The following UNC5C variants were observed in gnomAD, a reference collection of about 807,000 sequenced individuals.
UNC5C encodes the protein unc-5 netrin receptor C.
A neutral mutation model predicts 99.8 loss-of-function variants in UNC5C; 47 were observed. The observed-to-expected ratio is 0.47, with a 90% confidence interval of 0.37 to 0.60. The LOEUF (loss-of-function observed/expected upper bound fraction) is 0.60. Among genes scored for constraint, UNC5C ranks in the 20% least tolerant of loss-of-function variants. UNC5C has a pLI of 0.00. For missense variants in UNC5C, 1,062 were observed against 1,165.9 expected, an observed-to-expected ratio of 0.91 and a Z score of 1.30; for synonymous variants, 487 against 452.2, an observed-to-expected ratio of 1.08 and a Z score of -0.98.
At chr4:95,390,965 GGA>G (rs1254705809) in intron 1 of UNC5C, among the ~76,000 whole-genome samples, 1 of 152,184 alleles carries the variant, frequency 6.6e-6, no homozygotes, top group African/African-American at 2.4e-5. Context: ...ACATGTTGTG[GGA>G]GGGACCAGGT....
At chr4:95,541,513 C>A (rs1251554424) in intron 1 of UNC5C, among the ~76,000 whole-genome samples, 1 of 152,158 alleles carries the variant, frequency 6.6e-6, no homozygotes, top group Non-Finnish European at 1.5e-5. Flanking sequence ...ACTTTTATAT[C>A]ACGTACCCCA....
intron 1 of UNC5C, among the ~76,000 whole-genome samples, chr4:95,383,262 TACACAC>T (rs35068196): frequency 1.2e-3 from 181 of 150,900 alleles, no homozygotes; most frequent in East Asian, 5.5e-3. Context: ...TGTGTGTGTT[TACACAC>T]ACACACACAC....
intron 4 of UNC5C, among the ~76,000 whole-genome samples, chr4:95,267,874 A>G (rs1015982765): frequency 2.6e-5 from 4 of 152,048 alleles, no homozygotes; most frequent in Non-Finnish European, 4.4e-5. Context: ...AGTAGAAATT[A>G]TAACAAATTA....
chr4:95,448,260 G>GAGAGAGAGAGAGAGAGAC (rs1560836896), intron 1 of UNC5C, among the ~76,000 whole-genome samples: 5 of 149,864 alleles, frequency 3.3e-5, no homozygotes, highest in African/African-American at 1.2e-4. Flanking sequence ...GAGAGAGAGA[G>GAGAGAGAGAGAGAGAGAC]AGAAAGCCTG....
At chr4:95,454,024 T>C (rs1052184666) in intron 1 of UNC5C, among the ~76,000 whole-genome samples, 2 of 152,114 alleles carry the variant, frequency 1.3e-5, no homozygotes, top group Non-Finnish European at 2.9e-5. Flanking sequence ...AGTATGGAGT[T>C]ACTACTTAAA....
At chr4:95,362,074 A>T (rs1207873419) in intron 1 of UNC5C, among the ~76,000 whole-genome samples, 1 of 152,152 alleles carries the variant, frequency 6.6e-6, no homozygotes, top group African/African-American at 2.4e-5. Context: ...GAAGACTTAC[A>T]TTGTCAAGTC....
chr4:95,455,225 G>A (rs910263516), intron 1 of UNC5C, among the ~76,000 whole-genome samples: 2 of 152,066 alleles, frequency 1.3e-5, no homozygotes, highest in Non-Finnish European at 2.9e-5. Flanking sequence ...AGAAAAGTAT[G>A]AGGTTTGGGC....
intron 4 of UNC5C, among the ~76,000 whole-genome samples, chr4:95,273,575 G>C (rs1579286997): frequency 6.6e-6 from 1 of 152,162 alleles, no homozygotes; most frequent in South Asian, 2.1e-4. Context: ...GAGATGGGGG[G>C]AAGGTTTATC....
chr4:95,173,790 T>G (rs1162004570), intron 14 of UNC5C, among the ~76,000 whole-genome samples: 1 of 152,224 alleles, frequency 6.6e-6, no homozygotes, highest in East Asian at 1.9e-4. Flanking sequence ...CTTTTTCTAT[T>G]GATTGGAATA....
intron 4 of UNC5C, among the ~76,000 whole-genome samples, chr4:95,276,687 T>C (rs1740873187): frequency 6.6e-6 from 1 of 152,184 alleles, no homozygotes; most frequent in South Asian, 2.1e-4. Flanking sequence ...AATGAAATAT[T>C]GAATAGAGAA....
intron 7 of UNC5C, among the ~76,000 whole-genome samples, chr4:95,236,480 G>GC (rs1198032599): frequency 1.1e-4 from 17 of 151,876 alleles, no homozygotes; most frequent in Non-Finnish European, 2.5e-4. Context: ...TATACCTAAT[G>GC]TAAATGACGA....
intron 1 of UNC5C, among the ~76,000 whole-genome samples, chr4:95,350,174 G>A (rs1185570009): frequency 6.6e-6 from 1 of 152,052 alleles, no homozygotes; most frequent in Non-Finnish European, 1.5e-5. Context: ...AATATGTGGA[G>A]GGTCTTACAT....
At chr4:95,513,107 T>G (rs903826320) in intron 1 of UNC5C, among the ~76,000 whole-genome samples, 2 of 152,158 alleles carry the variant, frequency 1.3e-5, no homozygotes, top group Non-Finnish European at 2.9e-5. Flanking sequence ...TAAATCATAC[T>G]GAATGACCGA....
At chr4:95,517,556 A>T (rs551877699) in intron 1 of UNC5C, among the ~76,000 whole-genome samples, 30 of 152,348 alleles carry the variant, frequency 2.0e-4, no homozygotes, top group Admixed American at 1.8e-3. Flanking sequence ...GATAAAGATA[A>T]CAATTTTGAA....
intron 3 of UNC5C, among the ~76,000 whole-genome samples, chr4:95,279,691 G>A (rs1019144783): frequency 1.3e-5 from 2 of 152,084 alleles, no homozygotes; most frequent in Admixed American, 6.5e-5. Context: ...AAAAATTAAT[G>A]CCTCTGTTCT....
At chr4:95,285,884 CTGGGT>C (rs907245379) in intron 3 of UNC5C, among the ~76,000 whole-genome samples, 1 of 152,164 alleles carries the variant, frequency 6.6e-6, no homozygotes, top group African/African-American at 2.4e-5. Flanking sequence ...CTGAAAACCA[CTGGGT>C]AGGCTAACAC....
chr4:95,475,277 A>G (rs1748107445), intron 1 of UNC5C, among the ~76,000 whole-genome samples: 1 of 152,094 alleles, frequency 6.6e-6, no homozygotes, highest in Non-Finnish European at 1.5e-5. Flanking sequence ...TGAAGGGAAC[A>G]TGTGAGAACA....
Position 95,351,391 on chromosome 4 carries a change from G to T in UNC5C, c.125-15760C>A, listed in dbSNP as rs2128916. 2.6e-5 allele frequency among the ~76,000 whole-genome samples: 4 copies of T among 151,148 alleles called. 1 individual carries two copies. The highest frequency in any genetic ancestry group is 5.9e-5 in the Non-Finnish European group (4 of 67,886). ...AGAGGTTCTGTAAGATAAGACAGAA[G>T]TTTATAGGAATTACTCTATTAATCA... On this transcript the variant is annotated intron_variant, in intron 1 of 15. Transcript: ENST00000453304.
intron 1 of UNC5C, among the ~76,000 whole-genome samples, chr4:95,484,893 A>T (rs141531184): frequency 1.7e-3 from 259 of 151,978 alleles, no homozygotes; most frequent in African/African-American, 5.8e-3. Context: ...CATTTGACCT[A>T]TTCATGTTAT....
Sources: gnomAD v4.1 joint callset for allele counts (sites outside exome capture counted in the v4.1 genomes callset) on GRCh38, gnomAD v4.1.1 for gene constraint, MANE v1.5 for transcripts, NCBI Gene and HGNC (gene_info 2026-07-23, HGNC 2026-07-21) for gene names.